FHIP1A: variants seen among roughly 807,000 people sequenced by gnomAD.
The protein encoded by FHIP1A is FHF complex subunit HOOK interacting protein 1A.
Under a neutral mutation model 88.6 loss-of-function variants are expected in FHIP1A, and 61 were observed. That is an observed-to-expected ratio of 0.69 (90% CI 0.56 to 0.85). The LOEUF (loss-of-function observed/expected upper bound fraction) is 0.85, where lower values mean the gene tolerates loss of function less well. Ranked by LOEUF, FHIP1A falls within the 40% of genes least tolerant of loss-of-function variation. The pLI is 0.00. For synonymous variants in FHIP1A, 478 were observed against 496.0 expected, an observed-to-expected ratio of 0.96 and a Z score of 0.48; for missense variants, 1,154 against 1,273.5, an observed-to-expected ratio of 0.91 and a Z score of 1.43.
At position 151,437,085 on chromosome 4, in the gene FHIP1A, G is replaced by A. The variant is rs143483808; in HGVS notation, c.-355-17616G>A. On this transcript the variant is annotated intron_variant, in intron 1 of 13. Coordinates refer to ENST00000435205, the MANE Select transcript of FHIP1A (RefSeq NM_001109977.3). ...TCCTTGATTAGTTGAATCCGTGGAT[G>A]TGGAACTCATGGATATGGATATGGA... 1.6e-3 allele frequency among the ~76,000 whole-genome samples: 242 copies of A among 152,248 alleles called. 1 individual carries two copies. Among genetic ancestry groups the A allele is most frequent in the Non-Finnish European group, 2.5e-3 (167 of 68,004 alleles).
At chr4:151,566,085 C>T in intron 3 of FHIP1A, 53 bp from the exon 4 acceptor site, 1 of 452,500 alleles carries the variant, frequency 2.2e-6, no homozygotes, top group Non-Finnish European at 3.9e-6. Flanking sequence ...AGTCAGTTTC[C>T]TATTTAATTT....
chr4:151,572,554 A>C (rs527392676), intron 4 of FHIP1A, among the ~76,000 whole-genome samples: 1 of 152,368 alleles, frequency 6.6e-6, no homozygotes, highest in Admixed American at 6.5e-5. Flanking sequence ...ACAGCTGTTA[A>C]GTAATGAACA....
At chr4:151,583,543 T>A (rs1408183634) in intron 5 of FHIP1A, among the ~76,000 whole-genome samples, 2 of 152,228 alleles carry the variant, frequency 1.3e-5, no homozygotes. Flanking sequence ...ATGTATGTAA[T>A]TTGAAAATTA....
At chr4:151,565,075 CCT>C (rs1458938077) in intron 3 of FHIP1A, among the ~76,000 whole-genome samples, 3 of 152,058 alleles carry the variant, frequency 2.0e-5, no homozygotes, top group East Asian at 1.9e-4. Flanking sequence ...ATGGCTACCC[CCT>C]GTTTTCTTTT....
intron 3 of FHIP1A, among the ~76,000 whole-genome samples, chr4:151,525,450 A>G (rs776866842): frequency 4.6e-5 from 7 of 152,276 alleles, no homozygotes; most frequent in Non-Finnish European, 1.0e-4. Context: ...TAGAGCAGCC[A>G]GGCTCATCTG....
intron 8 of FHIP1A, among the ~76,000 whole-genome samples, chr4:151,636,204 A>G (rs1048089790): frequency 2.0e-5 from 3 of 152,052 alleles, no homozygotes; most frequent in Non-Finnish European, 4.4e-5. Context: ...CATCATATCA[A>G]GATAAAGGAA....
intron 13 of FHIP1A, among the ~76,000 whole-genome samples, chr4:151,659,797 G>C (rs1239521445): frequency 6.6e-6 from 1 of 152,190 alleles, no homozygotes; most frequent in Non-Finnish European, 1.5e-5. Flanking sequence ...TGAAAAACGA[G>C]CCTCCTCACT....
rs144211928 is a variant in FHIP1A, at chr4:151,657,366, C to CA, written c.2869+475dup. Among the ~76,000 whole-genome samples, 797 of 151,630 alleles carry CA rather than the reference C, an allele frequency of 5.3e-3. 5 individuals carry two copies. Among genetic ancestry groups the CA allele is most frequent in the African/African-American group, 0.019 (775 of 41,332 alleles). On this transcript the variant is annotated intron_variant, in intron 13 of 13. Coordinates refer to ENST00000435205, the MANE Select transcript of FHIP1A (RefSeq NM_001109977.3). ...CTAGGAGGTAAAACAAAACACAAAA[C>CA]AAAAAAACGGTTTGGACTGGGAGAA...
chr4:151,612,839 C>T (rs1329510368), intron 7 of FHIP1A, among the ~76,000 whole-genome samples: 1 of 152,204 alleles, frequency 6.6e-6, no homozygotes, highest in Non-Finnish European at 1.5e-5. Flanking sequence ...TTTAATGAAT[C>T]TGCACATTCT....
Position 151,649,575 on chromosome 4 carries a change from C to T in FHIP1A, c.1534C>T (p.Leu512Phe), listed in dbSNP as rs866465776. The change falls in exon 11 of 14, where the codon CTC becomes TTC. Residue 512 changes from leucine to phenylalanine, a missense_variant. Coordinates refer to ENST00000435205, the MANE Select transcript of FHIP1A (RefSeq NM_001109977.3). ...CCTGTGGGAGGCCCACACCAACATC[C>T]TCCGCTGCATGAGGGACTGCCGTGT... ...QYLWEAHTNI[L>F]RCMRDCRVWS... 6 of 1,551,712 alleles carry T rather than the reference C, an allele frequency of 3.9e-6. No individual in the cohort carries two copies. The highest frequency in any genetic ancestry group is 2.4e-5 in the East Asian group (1 of 40,922).
At chr4:151,560,154 A>T (rs1733116032) in intron 3 of FHIP1A, among the ~76,000 whole-genome samples, 1 of 152,164 alleles carries the variant, frequency 6.6e-6, no homozygotes, top group Non-Finnish European at 1.5e-5. Context: ...TTATTTCACT[A>T]ATTACACTTA....
At chr4:151,500,935 A>G (rs1437265532) in intron 3 of FHIP1A, among the ~76,000 whole-genome samples, 1 of 152,222 alleles carries the variant, frequency 6.6e-6, no homozygotes, top group East Asian at 1.9e-4. Flanking sequence ...AAAATTGCCG[A>G]TGCACTGAAA....
At chr4:151,541,433 C>T (rs1319272846) in intron 3 of FHIP1A, among the ~76,000 whole-genome samples, 1 of 152,144 alleles carries the variant, frequency 6.6e-6, no homozygotes, top group African/African-American at 2.4e-5. Flanking sequence ...TTCTCTTTTC[C>T]ATCACGAGAG....
At chr4:151,630,252 G>C (rs1430015977) in intron 8 of FHIP1A, among the ~76,000 whole-genome samples, 2 of 152,158 alleles carry the variant, frequency 1.3e-5, no homozygotes, top group African/African-American at 2.4e-5. Context: ...CTGGGTGTTA[G>C]AGATCATATT....
At chr4:151,544,828 G>A (rs984885998) in intron 3 of FHIP1A, among the ~76,000 whole-genome samples, 6 of 152,170 alleles carry the variant, frequency 3.9e-5, no homozygotes, top group South Asian at 4.1e-4. Context: ...TCAGAGGTGT[G>A]GAAGTTGGGA....
At chr4:151,479,715 C>A (rs1370428337) in intron 2 of FHIP1A, among the ~76,000 whole-genome samples, 2 of 151,986 alleles carry the variant, frequency 1.3e-5, no homozygotes, top group African/African-American at 4.8e-5. Flanking sequence ...ATGGAGAAAT[C>A]CATGATGTGG....
chr4:151,622,410 T>A (rs771774416), intron 7 of FHIP1A, among the ~76,000 whole-genome samples: 2 of 152,168 alleles, frequency 1.3e-5, no homozygotes, highest in African/African-American at 2.4e-5. Context: ...AATCTCTGTT[T>A]GAATTTGAAA....
chr4:151,496,397 C>G (rs1403553147), intron 3 of FHIP1A, among the ~76,000 whole-genome samples: 3 of 151,984 alleles, frequency 2.0e-5, no homozygotes, highest in Non-Finnish European at 4.4e-5. Context: ...CCAGGGCAAT[C>G]CTGATATGAA....
At chr4:151,473,918 A>G (rs1729612600) in intron 2 of FHIP1A, among the ~76,000 whole-genome samples, 1 of 152,184 alleles carries the variant, frequency 6.6e-6, no homozygotes, top group African/African-American at 2.4e-5. Context: ...TTGGAACTTG[A>G]CCAGTCTGTC....
Sources: gnomAD v4.1 joint callset for allele counts (sites outside exome capture counted in the v4.1 genomes callset) on GRCh38, gnomAD v4.1.1 for gene constraint, MANE v1.5 for transcripts, NCBI Gene and HGNC (gene_info 2026-07-23, HGNC 2026-07-21) for gene names.